The following STAG1 variants were observed in gnomAD, a reference collection of about 807,000 sequenced individuals.
STAG1 encodes cohesin subunit SA-1.
In STAG1, 26 loss-of-function variants were observed where a neutral mutation model predicts 170.9. The observed-to-expected ratio is 0.15, with a 90% CI of 0.11 to 0.21. The LOEUF (loss-of-function observed/expected upper bound fraction) is 0.21, where lower values mean the gene tolerates loss of function less well. Ranked by LOEUF, STAG1 falls within the 10% of genes least tolerant of loss-of-function variation. The pLI, the probability that STAG1 is intolerant of heterozygous loss-of-function variation, is 1.00. For missense variants in STAG1, 964 were observed against 1,509.5 expected (o/e 0.64, Z 5.99); for synonymous variants, 514 against 497.7 (o/e 1.03, Z -0.44).
chr3:136,474,834 T>A (rs2089706117), intron 10 of STAG1, among the ~76,000 whole-genome samples: 1 of 152,174 alleles, frequency 6.6e-6, no homozygotes, highest in East Asian at 1.9e-4. Flanking sequence ...TCTATCTTTC[T>A]CTGGAGAATG....
At chr3:136,439,819 T>C (rs2088578765) in intron 15 of STAG1, among the ~76,000 whole-genome samples, 2 of 152,196 alleles carry the variant, frequency 1.3e-5, no homozygotes, top group African/African-American at 4.8e-5. Context: ...CCTACCTAGA[T>C]TCGATCAGTG....
intron 1 of STAG1, among the ~76,000 whole-genome samples, chr3:136,715,203 G>A (rs1162877085): frequency 1.4e-5 from 2 of 147,380 alleles, no homozygotes; most frequent in African/African-American, 5.0e-5. Flanking sequence ...AATAGAGACA[G>A]GGTCTTGCTA....
At chr3:136,539,272 C>A (rs910877740) in intron 6 of STAG1, among the ~76,000 whole-genome samples, 3 of 152,030 alleles carry the variant, frequency 2.0e-5, no homozygotes, top group Admixed American at 6.6e-5. Flanking sequence ...TACTATTTAA[C>A]CATTTTTATA....
chr3:136,581,134 T>C (rs1937582993), intron 4 of STAG1, among the ~76,000 whole-genome samples: 2 of 152,178 alleles, frequency 1.3e-5, no homozygotes, highest in Non-Finnish European at 2.9e-5. Context: ...TATAGGTATG[T>C]GCCAGCAAGC....
At chr3:136,448,832 G>A (rs2088857609) in intron 14 of STAG1, among the ~76,000 whole-genome samples, 2 of 151,966 alleles carry the variant, frequency 1.3e-5, no homozygotes, top group South Asian at 2.1e-4. Flanking sequence ...CCAGCTACTC[G>A]GGAGGCTGAG....
At chr3:136,433,438 A>G (rs2107747039) in intron 16 of STAG1, 118 bp downstream of exon 16, 4 of 728,334 alleles carry the variant, frequency 5.5e-6, no homozygotes, top group Non-Finnish European at 6.9e-6. Flanking sequence ...ACCATAGTCC[A>G]TCATTTATAA....
intron 2 of STAG1, among the ~76,000 whole-genome samples, chr3:136,623,545 C>A (rs1939958658): frequency 6.6e-6 from 1 of 151,406 alleles, no homozygotes; most frequent in South Asian, 2.1e-4. Flanking sequence ...TTCTTCAGTA[C>A]AAAAATATGA....
intron 7 of STAG1, among the ~76,000 whole-genome samples, chr3:136,505,677 C>A (rs1576542339): frequency 6.6e-6 from 1 of 152,168 alleles, no homozygotes; most frequent in African/African-American, 2.4e-5. Context: ...ACAAAACAAA[C>A]AACTTCCTTT....
At chr3:136,713,849 C>T (rs1215315183) in intron 1 of STAG1, among the ~76,000 whole-genome samples, 2 of 151,856 alleles carry the variant, frequency 1.3e-5, no homozygotes, top group African/African-American at 4.8e-5. Flanking sequence ...ATGAAGAAAC[C>T]TCGTCTCTAT....
intron 1 of STAG1, among the ~76,000 whole-genome samples, chr3:136,649,503 CAAA>C (rs761067087): frequency 7.1e-5 from 5 of 70,874 alleles, no homozygotes; most frequent in Admixed American, 5.0e-4. Context: ...AAAACAGAAA[CAAA>C]AAAAAAAAAA....
At chr3:136,408,844 G>A (rs1357999306) in intron 21 of STAG1, among the ~76,000 whole-genome samples, 1 of 152,030 alleles carries the variant, frequency 6.6e-6, no homozygotes, top group Admixed American at 6.6e-5. Flanking sequence ...AATACTAAAA[G>A]GTTTTTATAT....
intron 21 of STAG1, among the ~76,000 whole-genome samples, chr3:136,408,650 G>C (rs2087547961): frequency 6.6e-6 from 1 of 152,128 alleles, no homozygotes; most frequent in Non-Finnish European, 1.5e-5. Flanking sequence ...TGAGATTAAG[G>C]ATTGCTTGTA....
chr3:136,518,175 T>A, intron 7 of STAG1: 1 of 402,888 alleles, frequency 2.5e-6, no homozygotes, highest in Admixed American at 4.3e-5. Flanking sequence ...TTAAAAATAC[T>A]ACTGATAAGA....
chr3:136,484,126 C>G (rs910862772), intron 9 of STAG1, among the ~76,000 whole-genome samples: 2 of 144,386 alleles, frequency 1.4e-5, no homozygotes, highest in Admixed American at 1.4e-4. Context: ...TGGTGAGGAA[C>G]TGCGTTCTTT....
intron 1 of STAG1, among the ~76,000 whole-genome samples, chr3:136,685,521 T>A (rs1469385001): frequency 6.6e-6 from 1 of 152,228 alleles, no homozygotes; most frequent in Non-Finnish European, 1.5e-5. Context: ...CACACGTTTA[T>A]AGCAACTTTA....
intron 21 of STAG1, among the ~76,000 whole-genome samples, chr3:136,416,914 T>A (rs1308518281): frequency 6.6e-6 from 1 of 151,388 alleles, no homozygotes; most frequent in Non-Finnish European, 1.5e-5. Context: ...GGCACCATCT[T>A]GGCTCACTCC....
intron 22 of STAG1, among the ~76,000 whole-genome samples, chr3:136,394,014 G>A (rs1039360001): frequency 6.6e-6 from 1 of 152,172 alleles, no homozygotes; most frequent in South Asian, 2.1e-4. Flanking sequence ...CGATTCTCCT[G>A]CCTCAGCCTT....
At chr3:136,704,759 G>T (rs1314742153) in intron 1 of STAG1, among the ~76,000 whole-genome samples, 1 of 148,894 alleles carries the variant, frequency 6.7e-6, no homozygotes, top group Non-Finnish European at 1.5e-5. Context: ...AGCCTGGGGG[G>T]TTGCAGTGAG....
intron 21 of STAG1, among the ~76,000 whole-genome samples, chr3:136,400,181 C>T (rs892347482): frequency 2.6e-5 from 4 of 152,066 alleles, no homozygotes; most frequent in Non-Finnish European, 5.9e-5. Flanking sequence ...CCTTGGTGTC[C>T]CATACTGCTA....
Sources: allele counts gnomAD v4.1 joint callset (sites outside exome capture counted in the v4.1 genomes callset), GRCh38; gene constraint gnomAD v4.1.1; transcripts MANE v1.5; gene names NCBI Gene and HGNC (gene_info 2026-07-23, HGNC 2026-07-21).